BTNL8: variants seen among roughly 807,000 people sequenced by gnomAD.
The protein encoded by BTNL8 is butyrophilin like 8.
In BTNL8, 22 loss-of-function variants were observed where a neutral mutation model predicts 36.1. The ratio of observed to expected loss-of-function variants is 0.61; its 90% CI spans 0.44 to 0.87. The LOEUF is 0.87. Ranked by LOEUF, BTNL8 falls within the 40% of genes least tolerant of loss-of-function variation. The pLI, the probability that BTNL8 is intolerant of heterozygous loss-of-function variation, is 0.00. For missense variants in BTNL8, 526 were observed against 616.9 expected (o/e 0.85, Z 1.56); for synonymous variants, 203 against 235.6 (o/e 0.86, Z 1.27).
chr5:180,941,695 AG>A (rs535241365), intron 3 of BTNL8, among the ~76,000 whole-genome samples: 209 of 152,264 alleles, frequency 1.4e-3, no homozygotes, highest in African/African-American at 3.7e-3. Flanking sequence ...AAGACCAAAA[AG>A]TATATGATCA....
intron 1 of BTNL8, among the ~76,000 whole-genome samples, chr5:180,902,696 C>G (rs1756886125): frequency 6.9e-6 from 1 of 144,310 alleles, no homozygotes; most frequent in Non-Finnish European, 1.5e-5. Context: ...CCACAACGTC[C>G]CCAGAGTGTG....
chr5:180,907,876 T>C (rs924003950), intron 1 of BTNL8, among the ~76,000 whole-genome samples: 6 of 151,440 alleles, frequency 4.0e-5, no homozygotes, highest in Non-Finnish European at 5.9e-5. Context: ...GTCTGCCAGT[T>C]CTCAGATCTC....
intron 3 of BTNL8, among the ~76,000 whole-genome samples, chr5:180,944,352 C>CA (rs1759133014): frequency 6.6e-6 from 1 of 152,038 alleles, no homozygotes; most frequent in South Asian, 2.1e-4. Flanking sequence ...AAAGACACGA[C>CA]AAGTGTTTGA....
At chr5:180,918,011 A>G (rs1257747678) in intron 3 of BTNL8, among the ~76,000 whole-genome samples, 1 of 148,750 alleles carries the variant, frequency 6.7e-6, no homozygotes, top group African/African-American at 2.5e-5. Context: ...CCTGGGTGAC[A>G]GAGTGAGATT....
intron 3 of BTNL8, among the ~76,000 whole-genome samples, chr5:180,926,066 A>C (rs887825438): frequency 1.3e-5 from 2 of 152,240 alleles, no homozygotes; most frequent in African/African-American, 4.8e-5. Flanking sequence ...TGCGGTCTGC[A>C]GCCCCCAGCA....
intron 3 of BTNL8, among the ~76,000 whole-genome samples, chr5:180,914,845 G>A (rs4700772): frequency 0.24 from 36,173 of 152,094 alleles, 4,984 homozygotes; most frequent in Non-Finnish European, 0.3. Flanking sequence ...AAGAACAGAT[G>A]CATGGAGGAA....
chr5:180,947,656 C>T (rs1424769407), intron 4 of BTNL8, 31 bp downstream of exon 4: 3 of 1,614,030 alleles, frequency 1.9e-6, no homozygotes, highest in Non-Finnish European at 2.5e-6. Flanking sequence ...TGGGCCGGTG[C>T]CTTATTCATG....
chr5:180,919,802 T>C (rs1757787466), intron 3 of BTNL8, among the ~76,000 whole-genome samples: 1 of 152,130 alleles, frequency 6.6e-6, no homozygotes, highest in African/African-American at 2.4e-5. Context: ...TAAAATAGCA[T>C]CAAAAAATTA....
chr5:180,910,753 C>G (rs893374764), intron 2 of BTNL8, among the ~76,000 whole-genome samples: 6 of 152,300 alleles, frequency 3.9e-5, no homozygotes, highest in East Asian at 3.9e-4. Flanking sequence ...TCTACTCTGT[C>G]TTAGTATCCA....
At position 180,949,386 on chromosome 5, in the gene BTNL8, G is replaced by C; in HGVS notation, c.862+121G>C. ...CTGAGACCCATCCTGCCTGCAGATG[G>C]AGAAACTGGATGCTTGATCGCCCCC... is the stretch of plus-strand genomic sequence containing the variant. On this transcript the variant is annotated intron_variant, in intron 7 of 7. Coordinates refer to ENST00000340184, the MANE Select transcript of BTNL8 (RefSeq NM_001040462.3). 2.9e-6 allele frequency: 4 copies of C among 1,359,416 alleles called. 1 individual carries two copies. The highest frequency in any genetic ancestry group is 4.1e-6 in the Non-Finnish European group (4 of 980,234). 84.2% of individuals were successfully genotyped at this position (1,359,416 alleles called of 1,614,324 possible).
At chr5:180,928,131 A>T (rs1417357493) in intron 3 of BTNL8, among the ~76,000 whole-genome samples, 1 of 152,224 alleles carries the variant, frequency 6.6e-6, no homozygotes, top group East Asian at 1.9e-4. Context: ...CTAACAGTGG[A>T]TCTCTCTGCT....
Position 180,919,184 on chromosome 5 carries a change from G to A in BTNL8, c.673+7570G>A, listed in dbSNP as rs546043770. On this transcript the variant is annotated intron_variant, in intron 3 of 7. Coordinates refer to ENST00000340184, the MANE Select transcript of BTNL8 (RefSeq NM_001040462.3). The stretch of plus-strand genomic sequence containing the variant: ...TCATGTGATGCTATATGATAGTCCA[G>A]TTGGGATTTGGTATCTTATTGCTAC... 6.5e-4 allele frequency among the ~76,000 whole-genome samples: 99 copies of A among 152,324 alleles called. No individual in the cohort carries two copies. In the South Asian group the frequency reaches 9.5e-3, roughly 15 times the overall value.
chr5:180,948,567 T>G (rs1759391211), intron 5 of BTNL8, 192 bp downstream of exon 5: 3 of 1,467,080 alleles, frequency 2.0e-6, no homozygotes, highest in Non-Finnish European at 2.8e-6. Context: ...GGGCTTAGGA[T>G]AGGCCCCGGG....
rs770209825 is a variant in BTNL8, at chr5:180,908,765, C to T, written c.229C>T (p.Gln77Ter). Reference sequence around the variant, plus strand: ...GGACGGGAAGGACCAGCCATTTATGCAGATGCCACAGTATCAAGGCAGGAC... The same window carrying T: ...GGACGGGAAGGACCAGCCATTTATGTAGATGCCACAGTATCAAGGCAGGAC... ...YRDGKDQPFMQMPQYQGRTKL... is the reference protein window; with the variant it reads ...YRDGKDQPFM Residue 77 changes from glutamine to a stop codon, truncating the protein, a stop_gained, in exon 2 of 8, where the codon CAG becomes TAG. Transcript: ENST00000340184. LOFTEE classifies it high-confidence loss of function. 122 of 1,614,056 alleles carry T rather than the reference C, an allele frequency of 7.6e-5. No homozygotes were observed. The highest frequency in any genetic ancestry group is 1.0e-4 in the Non-Finnish European group (120 of 1,180,046).
chr5:180,902,497 A>C, intron 1 of BTNL8: 1 of 1,224,250 alleles, frequency 8.2e-7, no homozygotes, highest in Non-Finnish European at 1.2e-6. Context: ...TGGAGCCCTG[A>C]GTAGGTCACA....
chr5:180,907,344 T>C (rs1392710410), intron 1 of BTNL8, among the ~76,000 whole-genome samples: 1 of 122,708 alleles, frequency 8.1e-6, no homozygotes, highest in Non-Finnish European at 1.6e-5. Flanking sequence ...ATTCTTCACG[T>C]AGTTCTTGAG....
intron 3 of BTNL8, among the ~76,000 whole-genome samples, chr5:180,922,668 G>A (rs537768895): frequency 7.0e-6 from 1 of 142,954 alleles, no homozygotes; most frequent in African/African-American, 2.7e-5. Context: ...TGTATATCCT[G>A]TTATTTTTGG....
chr5:180,945,630 C>T, intron 3 of BTNL8: 1 of 238,892 alleles, frequency 4.2e-6, no homozygotes, highest in Non-Finnish European at 9.1e-6. Flanking sequence ...AACAAATAAC[C>T]TGATCTTAAA....
At position 180,950,413 on chromosome 5, in the gene BTNL8, G is replaced by A. The variant is rs773050693; in HGVS notation, c.1372G>A (p.Val458Ile). 2 of 1,463,384 alleles carry A rather than the reference G, an allele frequency of 1.4e-6. No individual in the cohort carries two copies. The highest frequency in any genetic ancestry group is 2.2e-5 in the South Asian group (2 of 89,250). 90.6% of individuals were successfully genotyped at this position (1,463,384 alleles called of 1,614,324 possible). A position where few individuals can be genotyped will look rare whatever the true frequency, so the allele number is the denominator to read the frequency against. ...SYNEQNGTPI[V>I]ICPVTQESEK... ...TAATGAGCAAAATGGAACTCCCATAGTCATCTGCCCAGTCACCCAGGAATC... is the reference window on the plus strand; with the variant it reads ...TAATGAGCAAAATGGAACTCCCATAATCATCTGCCCAGTCACCCAGGAATC... Residue 458 changes from valine (V) to isoleucine (I), a missense_variant, in exon 8 of 8, where the codon GTC becomes ATC. Around this residue, in one of 2 missense-constraint regions of BTNL8, gnomAD observed 176 missense variants for 292.3 expected, o/e 0.60. Coordinates refer to ENST00000340184, the MANE Select transcript of BTNL8 (RefSeq NM_001040462.3).
Sources: gnomAD v4.1 joint callset for allele counts (sites outside exome capture counted in the v4.1 genomes callset) on GRCh38, gnomAD v4.1.1 for gene constraint, gnomAD v4.1.1 regional missense constraint, MANE v1.5 for transcripts, NCBI Gene and HGNC (gene_info 2026-07-23, HGNC 2026-07-21) for gene names.